The following RIMS1 variants were observed in gnomAD, a reference collection of about 807,000 sequenced individuals.
The protein encoded by RIMS1 is regulating synaptic membrane exocytosis 1.
Under a neutral mutation model 214.1 loss-of-function variants are expected in RIMS1, and 83 were observed. The observed-to-expected ratio is 0.39, with a 90% CI of 0.32 to 0.47. The LOEUF is 0.47. Among genes scored for constraint, RIMS1 ranks in the 20% least tolerant of loss-of-function variants. The pLI, the probability that RIMS1 is intolerant of heterozygous loss-of-function variation, is 0.99. For synonymous variants in RIMS1, 793 were observed against 786.8 expected, an observed-to-expected ratio of 1.01 and a Z score of -0.13; for missense variants, 2,050 against 2,161.8, an observed-to-expected ratio of 0.95 and a Z score of 1.03.
intron 24 of RIMS1, among the ~76,000 whole-genome samples, chr6:72,286,175 C>T (rs1667944917): frequency 7.0e-6 from 1 of 143,242 alleles, no homozygotes; most frequent in South Asian, 2.2e-4. Flanking sequence ...CCAGCCTGGG[C>T]AAGAAGAGCA....
Position 72,250,360 on chromosome 6 carries a change from C to A in RIMS1, c.2272C>A (p.Gln758Lys). Residue 758 changes from glutamine (Q) to lysine (K), a missense_variant, in exon 13 of 34, where the codon CAG (glutamine) becomes AAG (lysine). This residue lies in a region of RIMS1 where 889 missense variants were observed against 885.5 expected (regional missense o/e 1.00). Transcript: ENST00000521978. Reference sequence around the variant, plus strand: ...GTTGTGGTATGATAAAGTGGGACACCAGCTGATTGTAAATGTTCTGCAAGC... The same window carrying A: ...GTTGTGGTATGATAAAGTGGGACACAAGCTGATTGTAAATGTTCTGCAAGC... Reference protein sequence around the residue: ...VKLWYDKVGHQLIVNVLQATD... With the variant: ...VKLWYDKVGHKLIVNVLQATD... 2 of 1,609,178 alleles carry A rather than the reference C, an allele frequency of 1.2e-6. No homozygotes were observed. The highest frequency in any genetic ancestry group is 1.7e-6 in the Non-Finnish European group (2 of 1,177,614).
chr6:72,124,653 T>G (rs1263804384), intron 4 of RIMS1, among the ~76,000 whole-genome samples: 1 of 147,654 alleles, frequency 6.8e-6, no homozygotes, highest in Non-Finnish European at 1.5e-5. Context: ...TAATCCCATA[T>G]TTCTTGGAGG....
intron 6 of RIMS1, among the ~76,000 whole-genome samples, chr6:72,194,071 A>G (rs934927662): frequency 3.3e-5 from 5 of 152,178 alleles, no homozygotes; most frequent in African/African-American, 1.2e-4. Flanking sequence ...AGAACTACAA[A>G]ACACCGATGA....
chr6:72,371,612 G>A (rs1438576937), intron 29 of RIMS1, among the ~76,000 whole-genome samples: 2 of 152,210 alleles, frequency 1.3e-5, no homozygotes, highest in Non-Finnish European at 2.9e-5. Flanking sequence ...GAAGGAATCA[G>A]GAATCAGTTG....
At chr6:72,323,415 G>A (rs2096275625) in intron 28 of RIMS1, among the ~76,000 whole-genome samples, 1 of 151,550 alleles carries the variant, frequency 6.6e-6, no homozygotes. Context: ...ACAGAGACCT[G>A]GAATCCATTT....
chr6:72,235,757 A>G lies in RIMS1; in HGVS notation c.1857+29A>G, dbSNP rs2154092896. On this transcript the variant is annotated intron_variant, in intron 8 of 33. Transcript: ENST00000521978. ...AGTATGCTGGTTTAAAATGTTTCTT[A>G]AAGGGTGAATTACAGTATGGTCTGC... is the stretch of plus-strand genomic sequence containing the variant. The G allele has an allele frequency of 3.6e-6, 5 of 1,392,102 alleles. No homozygotes were observed. The East Asian group carries it at 9.5e-5, about 27-fold the overall frequency. 86.2% of individuals were successfully genotyped at this position (1,392,102 alleles called of 1,614,324 possible). A position where few individuals can be genotyped will look rare whatever the true frequency, so the allele number is the denominator to read the frequency against.
intron 1 of RIMS1, among the ~76,000 whole-genome samples, chr6:71,921,073 T>C (rs943951891): frequency 2.6e-5 from 4 of 152,188 alleles, no homozygotes; most frequent in Non-Finnish European, 5.9e-5. Context: ...CCTGGTCTCA[T>C]TGAAGTCAGT....
At position 72,274,448 on chromosome 6, in the gene RIMS1, T is replaced by G; in HGVS notation, c.3482+16T>G. 1 of 1,597,930 alleles carries G rather than the reference T, an allele frequency of 6.3e-7. No individual in the cohort carries two copies. Among genetic ancestry groups the G allele is most frequent in the Non-Finnish European group, 8.6e-7 (1 of 1,165,592 alleles). On this transcript the variant is annotated intron_variant, in intron 23 of 33. Coordinates refer to ENST00000521978, the MANE Select transcript of RIMS1 (RefSeq NM_014989.7). The stretch of plus-strand genomic sequence containing the variant: ...AGAATGACAGGTACTAGTCAACTCC[T>G]CCTCACAGACAAGTGGCTTCTAGAA...
intron 2 of RIMS1, among the ~76,000 whole-genome samples, chr6:72,047,576 G>A (rs944420318): frequency 1.3e-5 from 2 of 152,022 alleles, no homozygotes; most frequent in African/African-American, 4.8e-5. Context: ...AGCTTCTAAA[G>A]CATGTAGCTA....
chr6:71,889,028 T>A (rs1247412032), intron 1 of RIMS1, among the ~76,000 whole-genome samples: 2 of 152,196 alleles, frequency 1.3e-5, no homozygotes, highest in African/African-American at 2.4e-5. Context: ...CTGCCACCTG[T>A]CCTGAACACC....
chr6:72,348,375 C>A (rs1471381789), intron 29 of RIMS1, among the ~76,000 whole-genome samples: 2 of 151,760 alleles, frequency 1.3e-5, no homozygotes, highest in African/African-American at 2.4e-5. Flanking sequence ...GAGTCAATCC[C>A]CAACGTTTAC....
intron 28 of RIMS1, among the ~76,000 whole-genome samples, chr6:72,322,127 T>C (rs2096204268): frequency 1.3e-5 from 2 of 152,130 alleles, no homozygotes; most frequent in Non-Finnish European, 2.9e-5. Flanking sequence ...TTGAACAGAA[T>C]GTGAAGCTCT....
chr6:71,924,762 G>A (rs1332074661), intron 1 of RIMS1, among the ~76,000 whole-genome samples: 9 of 140,958 alleles, frequency 6.4e-5, no homozygotes, highest in South Asian at 2.2e-4. Flanking sequence ...AGCCGAGATC[G>A]TGCCACCACA....
At chr6:72,033,110 C>G (rs541765959) in intron 2 of RIMS1, among the ~76,000 whole-genome samples, 14 of 152,334 alleles carry the variant, frequency 9.2e-5, no homozygotes, top group African/African-American at 2.9e-4. Flanking sequence ...TTGCCTGACC[C>G]TCCCGTTTCT....
intron 2 of RIMS1, among the ~76,000 whole-genome samples, chr6:72,045,060 T>C (rs12530391): frequency 0.11 from 17,358 of 151,792 alleles, 1,180 homozygotes; most frequent in South Asian, 0.17. Context: ...CACTGACGAA[T>C]ATCAAAAACG....
At chr6:71,991,379 A>G (rs1801523739) in intron 2 of RIMS1, among the ~76,000 whole-genome samples, 1 of 152,172 alleles carries the variant, frequency 6.6e-6, no homozygotes, top group Admixed American at 6.5e-5. Flanking sequence ...TTACTTGGCC[A>G]TATTCTTTTT....
At chr6:72,332,131 T>C (rs915231996) in intron 28 of RIMS1, among the ~76,000 whole-genome samples, 1 of 151,834 alleles carries the variant, frequency 6.6e-6, no homozygotes, top group African/African-American at 2.4e-5. Flanking sequence ...CATATTAGGA[T>C]TTTTTCTGAC....
intron 1 of RIMS1, among the ~76,000 whole-genome samples, chr6:71,914,233 C>T (rs1181126082): frequency 6.6e-6 from 1 of 152,054 alleles, no homozygotes; most frequent in Non-Finnish European, 1.5e-5. Context: ...ACAATGTTTT[C>T]TCTCTTTTTT....
intron 29 of RIMS1, among the ~76,000 whole-genome samples, chr6:72,357,657 A>G (rs1267879513): frequency 6.6e-5 from 10 of 152,172 alleles, no homozygotes; most frequent in Admixed American, 5.2e-4. Flanking sequence ...TCTTCAGTCT[A>G]TGGTTCTGTA....
Sources: gnomAD v4.1 joint callset for allele counts (sites outside exome capture counted in the v4.1 genomes callset) on GRCh38, gnomAD v4.1.1 for gene constraint, gnomAD v4.1.1 regional missense constraint, MANE v1.5 for transcripts, NCBI Gene and HGNC (gene_info 2026-07-23, HGNC 2026-07-21) for gene names.